The following CSTPP1 variants were observed in gnomAD, a reference collection of about 807,000 sequenced individuals.
CSTPP1 encodes the protein centriolar satellite-associated tubulin polyglutamylase complex regulator 1, also known as UPF0705 protein C11orf49.
the CSTPP1 span, chr11:47,023,291 A>C: frequency 6.5e-6 from 1 of 152,970 alleles, no homozygotes; most frequent in African/African-American, 2.4e-5. Flanking sequence ...AAAATATCTT[A>C]AATGTTAGAA....
At chr11:46,988,973 C>T in the CSTPP1 span, among the ~76,000 whole-genome samples, 2 of 151,672 alleles carry the variant, frequency 1.3e-5, no homozygotes, top group African/African-American at 2.4e-5. Context: ...GGCTCAAACC[C>T]GTAATCCCAG....
chr11:47,012,556 G>A, the CSTPP1 span, among the ~76,000 whole-genome samples: 1 of 152,058 alleles, frequency 6.6e-6, no homozygotes, highest in African/African-American at 2.4e-5. Flanking sequence ...GTAGATAGCT[G>A]TATAGGGGAA....
the CSTPP1 span, among the ~76,000 whole-genome samples, chr11:47,108,852 G>A: frequency 6.6e-6 from 1 of 151,864 alleles, no homozygotes; most frequent in Non-Finnish European, 1.5e-5. Flanking sequence ...GATTACAGGC[G>A]CCGGCCACCA....
the CSTPP1 span, among the ~76,000 whole-genome samples, chr11:47,016,820 T>A: frequency 6.6e-6 from 1 of 151,028 alleles, no homozygotes; most frequent in Non-Finnish European, 1.5e-5. Flanking sequence ...AAATTATATG[T>A]GTACTTTTTC....
chr11:47,035,452 CA>C, the CSTPP1 span, among the ~76,000 whole-genome samples: 1 of 152,218 alleles, frequency 6.6e-6, no homozygotes, highest in Non-Finnish European at 1.5e-5. Context: ...ACTGCCCATG[CA>C]GAGATGATTA....
the CSTPP1 span, among the ~76,000 whole-genome samples, chr11:47,144,971 T>C: frequency 6.8e-6 from 1 of 146,364 alleles, no homozygotes; most frequent in African/African-American, 2.5e-5. Context: ...ATTTAAAGTA[T>C]TGCCTGCCAT....
the CSTPP1 span, chr11:47,164,348 A>T: frequency 7.6e-7 from 1 of 1,313,902 alleles, no homozygotes; most frequent in South Asian, 1.6e-5. Flanking sequence ...CTTTATTTTG[A>T]CACCACTTTG....
the CSTPP1 span, among the ~76,000 whole-genome samples, chr11:47,112,386 A>G: frequency 6.6e-6 from 1 of 152,040 alleles, no homozygotes; most frequent in Non-Finnish European, 1.5e-5. Context: ...CAGTGGCACA[A>G]TCTCAGCTCA....
At chr11:47,135,502 C>G in the CSTPP1 span, among the ~76,000 whole-genome samples, 1 of 152,178 alleles carries the variant, frequency 6.6e-6, no homozygotes, top group Admixed American at 6.5e-5. Context: ...ATAGTTCTCT[C>G]AATACCCACT....
At chr11:47,145,481 G>A in the CSTPP1 span, among the ~76,000 whole-genome samples, 3 of 151,994 alleles carry the variant, frequency 2.0e-5, no homozygotes, top group East Asian at 2.0e-4. Context: ...GGGGTGGCAC[G>A]CACCTATGGA....
the CSTPP1 span, among the ~76,000 whole-genome samples, chr11:47,147,519 C>A: frequency 5.3e-4 from 80 of 152,134 alleles, no homozygotes; most frequent in Non-Finnish European, 1.0e-3. Flanking sequence ...GTAATGACAC[C>A]TTCAGGCTGT....
chr11:46,983,653 T>A, the CSTPP1 span, among the ~76,000 whole-genome samples: 2 of 152,072 alleles, frequency 1.3e-5, no homozygotes, highest in Non-Finnish European at 1.5e-5. Flanking sequence ...TTAAAAAAAA[T>A]GTAAAATGAC....
chr11:47,107,102 G>T, the CSTPP1 span, among the ~76,000 whole-genome samples: 2 of 152,196 alleles, frequency 1.3e-5, no homozygotes, highest in Non-Finnish European at 2.9e-5. Flanking sequence ...GCTGTGTAGT[G>T]GAGCAGCGGA....
At chr11:46,957,355 A>C in the CSTPP1 span, among the ~76,000 whole-genome samples, 1 of 152,018 alleles carries the variant, frequency 6.6e-6, no homozygotes, top group East Asian at 1.9e-4. Flanking sequence ...TTTTTATTAG[A>C]TTGCATCCTC....
At chr11:47,016,968 G>C in the CSTPP1 span, among the ~76,000 whole-genome samples, 1 of 143,432 alleles carries the variant, frequency 7.0e-6, no homozygotes, top group Admixed American at 7.3e-5. Context: ...TCAGCCTCCC[G>C]AGTAGCTGGA....
the CSTPP1 span, among the ~76,000 whole-genome samples, chr11:46,958,831 G>A: frequency 6.6e-6 from 1 of 152,176 alleles, no homozygotes. Context: ...AGAAGCCTTG[G>A]TGTCCCAGGG....
At chr11:47,004,139 T>G in the CSTPP1 span, among the ~76,000 whole-genome samples, 1 of 147,726 alleles carries the variant, frequency 6.8e-6, no homozygotes, top group African/African-American at 2.7e-5. Flanking sequence ...TGTTTTTTGT[T>G]GTTGTTGTTG....
At chr11:46,945,998 T>C in the CSTPP1 span, among the ~76,000 whole-genome samples, 1 of 152,216 alleles carries the variant, frequency 6.6e-6, no homozygotes, top group African/African-American at 2.4e-5. Context: ...GAGTTGTTCC[T>C]GGAAGGTCGA....
chr11:47,009,945 A>C, the CSTPP1 span, among the ~76,000 whole-genome samples: 1 of 152,204 alleles, frequency 6.6e-6, no homozygotes, highest in Non-Finnish European at 1.5e-5. Flanking sequence ...ATCATATGCC[A>C]ATCACTGTGT....
Sources: gnomAD v4.1 joint callset for allele counts (sites outside exome capture counted in the v4.1 genomes callset) on GRCh38, gnomAD v4.1.1 for gene constraint, MANE v1.5 for transcripts, NCBI Gene and HGNC (gene_info 2026-07-23, HGNC 2026-07-21) for gene names.